Variants in SLC39A11 observed in about 807,000 individuals in gnomAD.
SLC39A11 encodes the protein zinc transporter ZIP11.
A neutral mutation model predicts 36.1 loss-of-function variants in SLC39A11; 33 were observed. The observed-to-expected ratio is 0.91, with a 90% CI of 0.69 to 1.22. The LOEUF (loss-of-function observed/expected upper bound fraction) is 1.22, where lower values mean the gene tolerates loss of function less well. Among genes scored for constraint, SLC39A11 ranks in the 50% most tolerant of loss-of-function variants. The pLI is 0.00. For missense variants in SLC39A11, 432 were observed against 430.3 expected (o/e 1.00, Z -0.03); for synonymous variants, 166 against 170.3 (o/e 0.97, Z 0.20).
intron 5 of SLC39A11, among the ~76,000 whole-genome samples, chr17:72,889,358 T>C (rs2081601524): frequency 6.6e-6 from 1 of 151,856 alleles, no homozygotes; most frequent in African/African-American, 2.4e-5. Flanking sequence ...CCAATAAAAA[T>C]ACAAAAATCA....
intron 3 of SLC39A11, among the ~76,000 whole-genome samples, chr17:73,046,050 G>T (rs750951458): frequency 1.2e-4 from 19 of 152,156 alleles, no homozygotes; most frequent in Admixed American, 4.6e-4. Context: ...TCCTATGTTT[G>T]AAGGAGAAGA....
intron 4 of SLC39A11, among the ~76,000 whole-genome samples, chr17:73,009,370 A>AAAG (rs1598836654): frequency 6.6e-6 from 1 of 151,762 alleles, no homozygotes; most frequent in South Asian, 2.1e-4. Flanking sequence ...AAAAAAAAAA[A>AAAG]AAAGAAAAGC....
At chr17:72,802,893 G>A (rs542581062) in intron 6 of SLC39A11, among the ~76,000 whole-genome samples, 1 of 152,262 alleles carries the variant, frequency 6.6e-6, no homozygotes, top group Admixed American at 6.5e-5. Flanking sequence ...CATCGCACAC[G>A]ACTGGGAGCC....
chr17:72,682,361 T>C (rs890803899), intron 7 of SLC39A11, among the ~76,000 whole-genome samples: 3 of 132,528 alleles, frequency 2.3e-5, no homozygotes, highest in Admixed American at 9.0e-5. Flanking sequence ...CCAAAAAGGT[T>C]GGAGACTGCT....
At chr17:72,775,888 G>A (rs1292005229) in intron 6 of SLC39A11, among the ~76,000 whole-genome samples, 2 of 152,200 alleles carry the variant, frequency 1.3e-5, no homozygotes, top group East Asian at 1.9e-4. Context: ...GTATCTGCAC[G>A]TATTTCTGAA....
At position 72,798,226 on chromosome 17, in the gene SLC39A11, C is replaced by A. The variant is rs535170172; in HGVS notation, c.601+51408G>T. 6.6e-5 allele frequency among the ~76,000 whole-genome samples: 10 copies of A among 152,058 alleles called. 1 individual carries two copies. The highest frequency in any genetic ancestry group is 2.2e-4 in the African/African-American group (9 of 41,412). ...TGCTCACGCTGTTATAACAAAGTAC[C>A]ACAGACGGAGGGGCTTAAATGACAG... On this transcript the variant is annotated intron_variant, in intron 6 of 9. Coordinates refer to ENST00000255559, the MANE Select transcript of SLC39A11 (RefSeq NM_139177.4).
intron 6 of SLC39A11, among the ~76,000 whole-genome samples, chr17:72,807,397 C>CTTTG (rs578044277): frequency 2.0e-3 from 301 of 152,250 alleles, no homozygotes; most frequent in African/African-American, 7.0e-3. Flanking sequence ...ATAGGAGTGT[C>CTTTG]TTTGTTTATT....
chr17:73,061,773 T>C lies in SLC39A11; in HGVS notation c.147+23035A>G, dbSNP rs936208258. On this transcript the variant is annotated intron_variant, in intron 3 of 9. Coordinates refer to ENST00000255559, the MANE Select transcript of SLC39A11 (RefSeq NM_139177.4). The stretch of plus-strand genomic sequence containing the variant: ...ACTTTGGGAGGCCAAGGCGAGTGAA[T>C]TGCTTCTGCTCAGGAGTTCAAGACT... Among the ~76,000 whole-genome samples, 3 of 152,036 alleles carry C rather than the reference T, an allele frequency of 2.0e-5. No homozygotes were observed. The South Asian group carries it at 6.2e-4, about 32-fold the overall frequency.
chr17:73,035,851 G>A lies in SLC39A11; in HGVS notation c.148-4137C>T, dbSNP rs538254316. ...TGCACTCCAGCCTGGGTGACAGAGC[G>A]ACACTCCATCTCAAAAAAAAAAAAA... On this transcript the variant is annotated intron_variant, in intron 3 of 9. Coordinates refer to ENST00000255559, the MANE Select transcript of SLC39A11 (RefSeq NM_139177.4). Among the ~76,000 whole-genome samples the A allele has an allele frequency of 1.4e-4, 16 of 112,164 alleles. No homozygotes were observed. The South Asian group carries it at 2.7e-3, about 19-fold the overall frequency. 73.6% of individuals were successfully genotyped at this position (112,164 alleles called of 152,430 possible).
intron 3 of SLC39A11, among the ~76,000 whole-genome samples, chr17:73,040,023 C>T (rs1428913443): frequency 6.6e-6 from 1 of 152,136 alleles, no homozygotes; most frequent in African/African-American, 2.4e-5. Flanking sequence ...GAAGGAATCC[C>T]AAAGCTGAAG....
intron 4 of SLC39A11, among the ~76,000 whole-genome samples, chr17:73,005,921 A>G (rs920997218): frequency 2.3e-4 from 35 of 152,158 alleles, no homozygotes; most frequent in African/African-American, 8.0e-4. Flanking sequence ...ACTGCACTCC[A>G]GCCTGGGCAA....
At chr17:72,853,881 C>T (rs762558743) in intron 5 of SLC39A11, among the ~76,000 whole-genome samples, 13 of 152,076 alleles carry the variant, frequency 8.5e-5, no homozygotes, top group Non-Finnish European at 1.3e-4. Context: ...GATCAGTTAG[C>T]GGAGGCAATT....
In SLC39A11 at chr17:72,734,827, G is replaced by A. The variant is rs117042624; in HGVS notation, c.671+1823C>T. On this transcript the variant is annotated intron_variant, in intron 7 of 9. Coordinates refer to ENST00000255559, the MANE Select transcript of SLC39A11 (RefSeq NM_139177.4). ...GTGTGCGGTTTCCTGCGCTCTGGGA[G>A]GACTTGGCCTTTGAATGTTTATAAG... 8.3e-3 allele frequency among the ~76,000 whole-genome samples: 1,257 copies of A among 152,228 alleles called. 13 individuals carry two copies. The highest frequency in any genetic ancestry group is 0.022 in the South Asian group (106 of 4,826).
chr17:72,855,693 G>A (rs541559347), intron 5 of SLC39A11, among the ~76,000 whole-genome samples: 6 of 152,070 alleles, frequency 3.9e-5, no homozygotes, highest in Non-Finnish European at 7.4e-5. Flanking sequence ...TCAGAAGATC[G>A]AGACCATCCT....
chr17:72,988,558 A>G (rs2088932324), intron 4 of SLC39A11, among the ~76,000 whole-genome samples: 1 of 151,988 alleles, frequency 6.6e-6, no homozygotes, highest in African/African-American at 2.4e-5. Context: ...ACTCATTCTT[A>G]TTCCACTTTT....
chr17:72,913,280 G>A lies in SLC39A11; in HGVS notation c.430+34472C>T, dbSNP rs3709. On this transcript the variant is annotated intron_variant, in intron 5 of 9. Transcript: ENST00000255559. ...GAAAGAAGTCGACACAGCGGACACTGTCATAAGTGGAACAAAGGATGAAGC... is the reference window on the plus strand; with the variant it reads ...GAAAGAAGTCGACACAGCGGACACTATCATAAGTGGAACAAAGGATGAAGC... 4.2e-3 allele frequency among the ~76,000 whole-genome samples: 638 copies of A among 152,220 alleles called. 5 individuals carry two copies. Among genetic ancestry groups the A allele is most frequent in the East Asian group, 0.018 (95 of 5,172 alleles).
At chr17:72,720,250 A>G (rs975374822) in intron 7 of SLC39A11, among the ~76,000 whole-genome samples, 3 of 152,208 alleles carry the variant, frequency 2.0e-5, no homozygotes, top group African/African-American at 7.2e-5. Flanking sequence ...TGCTGTGATA[A>G]GATGACGAAG....
Position 72,746,582 on chromosome 17 carries a change from C to CA in SLC39A11, c.602-9864dup, listed in dbSNP as rs922268501. On this transcript the variant is annotated intron_variant, in intron 6 of 9. Coordinates refer to ENST00000255559, the MANE Select transcript of SLC39A11 (RefSeq NM_139177.4). ...TGAAACCCCATCTCTACTAAAAATA[C>CA]AAAAAATTAGCCGGGCGTGGTGGTG... is the stretch of plus-strand genomic sequence containing the variant. Among the ~76,000 whole-genome samples, 39 of 152,052 alleles carry CA rather than the reference C, an allele frequency of 2.6e-4. 1 individual carries two copies. Among genetic ancestry groups the CA allele is most frequent in the East Asian group, 9.7e-4 (5 of 5,156 alleles).
intron 7 of SLC39A11, among the ~76,000 whole-genome samples, chr17:72,730,742 C>G (rs1241319365): frequency 6.6e-6 from 1 of 152,204 alleles, no homozygotes; most frequent in East Asian, 1.9e-4. Flanking sequence ...TCACTGTAGC[C>G]TTGACCTCTC....
Sources: gnomAD v4.1 joint callset for allele counts (sites outside exome capture counted in the v4.1 genomes callset) on GRCh38, gnomAD v4.1.1 for gene constraint, MANE v1.5 for transcripts, NCBI Gene and HGNC (gene_info 2026-07-23, HGNC 2026-07-21) for gene names.